DAAM1: variants seen among roughly 807,000 people sequenced by gnomAD.
The protein encoded by DAAM1 is dishevelled associated activator of morphogenesis 1, also known as disheveled-associated activator of morphogenesis 1.
Under a neutral mutation model 130.0 loss-of-function variants are expected in DAAM1, and 52 were observed. The ratio of observed to expected loss-of-function variants is 0.40; its 90% confidence interval spans 0.32 to 0.50. The LOEUF is 0.50. Among genes scored for constraint, DAAM1 ranks in the 20% least tolerant of loss-of-function variants. The pLI is 0.61. For missense variants in DAAM1, 1,134 were observed against 1,303.8 expected (o/e 0.87, Z 2.01); for synonymous variants, 452 against 444.5 (o/e 1.02, Z -0.21).
intron 1 of DAAM1, among the ~76,000 whole-genome samples, chr14:59,220,708 G>C (rs535651730): frequency 6.6e-6 from 1 of 152,120 alleles, no homozygotes; most frequent in Non-Finnish European, 1.5e-5. Flanking sequence ...GCTGGCAGAG[G>C]GGGATGGGGA....
chr14:59,327,008 T>A lies in DAAM1; in HGVS notation c.1372+17T>A. Reference sequence around the variant, plus strand: ...TGAGAAAAGGTAAATAATGAGGCCCTGATAAGAGGCTGTGTTATTGGTTAT... The same window carrying A: ...TGAGAAAAGGTAAATAATGAGGCCCAGATAAGAGGCTGTGTTATTGGTTAT... On this transcript the variant is annotated intron_variant, in intron 12 of 24. Coordinates refer to ENST00000360909, the MANE Select transcript of DAAM1 (RefSeq NM_001270520.2). The A allele has an allele frequency of 3.1e-6, 5 of 1,613,672 alleles. No individual in the cohort carries two copies. Among genetic ancestry groups the A allele is most frequent in the Non-Finnish European group, 4.2e-6 (5 of 1,179,708 alleles).
intron 2 of DAAM1, among the ~76,000 whole-genome samples, chr14:59,281,439 G>A (rs934623742): frequency 6.6e-6 from 1 of 152,000 alleles, no homozygotes. Context: ...CACTTGCCTT[G>A]TATCAGACCT....
At chr14:59,246,285 C>A (rs956110829) in intron 1 of DAAM1, among the ~76,000 whole-genome samples, 12 of 152,246 alleles carry the variant, frequency 7.9e-5, no homozygotes, top group African/African-American at 2.9e-4. Context: ...ACTTTAGATA[C>A]CTCATATAAA....
intron 1 of DAAM1, among the ~76,000 whole-genome samples, chr14:59,234,813 T>C (rs886354258): frequency 6.6e-6 from 1 of 152,196 alleles, no homozygotes; most frequent in African/African-American, 2.4e-5. Context: ...ATACCTAGTT[T>C]ATGAGAGTTT....
At chr14:59,209,959 A>G (rs1888377345) in intron 1 of DAAM1, among the ~76,000 whole-genome samples, 1 of 150,776 alleles carries the variant, frequency 6.6e-6, no homozygotes, top group Non-Finnish European at 1.5e-5. Context: ...CTCTACAAAA[A>G]TTAAAGAAAA....
At chr14:59,360,509 A>G in intron 21 of DAAM1, 1 of 229,386 alleles carries the variant, frequency 4.4e-6, no homozygotes, top group Non-Finnish European at 8.4e-6. Context: ...TGCTGAAGTG[A>G]GATTTTTTTG....
intron 20 of DAAM1, among the ~76,000 whole-genome samples, chr14:59,357,733 G>A (rs936317392): frequency 5.9e-5 from 9 of 151,948 alleles, no homozygotes; most frequent in South Asian, 4.2e-4. Flanking sequence ...AGCCCAGATC[G>A]CACCACTGTA....
Position 59,330,831 on chromosome 14 carries a change from T to A in DAAM1, c.1560+143T>A, listed in dbSNP as rs1885399659. ...CATCACAATTAGGAGACTCACTCCCTCTGCTATCATGTAGGCAGCAGAGGC... is the reference window on the plus strand; with the variant it reads ...CATCACAATTAGGAGACTCACTCCCACTGCTATCATGTAGGCAGCAGAGGC... On this transcript the variant is annotated intron_variant, in intron 13 of 24. Transcript: ENST00000360909. 3.6e-5 allele frequency: 31 copies of A among 873,154 alleles called. No individual in the cohort carries two copies. The South Asian group carries it at 6.6e-4, about 19-fold the overall frequency. The allele number at this position is 873,154 out of a possible 1,614,324, so 54.1% of individuals were successfully genotyped here.
intron 1 of DAAM1, among the ~76,000 whole-genome samples, chr14:59,263,031 C>T (rs1361011426): frequency 6.6e-6 from 1 of 152,114 alleles, no homozygotes; most frequent in African/African-American, 2.4e-5. Context: ...TTAAATCAGT[C>T]TGGAATCAGA....
intron 2 of DAAM1, among the ~76,000 whole-genome samples, chr14:59,271,092 G>A (rs1027742623): frequency 2.0e-5 from 3 of 152,258 alleles, no homozygotes; most frequent in Non-Finnish European, 2.9e-5. Flanking sequence ...AGCCTGAAAT[G>A]TTTCCAATTC....
chr14:59,343,336 C>A (rs1364069074), intron 16 of DAAM1, among the ~76,000 whole-genome samples: 1 of 152,208 alleles, frequency 6.6e-6, no homozygotes, highest in African/African-American at 2.4e-5. Flanking sequence ...CCAGGTGAGA[C>A]CTGATGACTA....
intron 23 of DAAM1, among the ~76,000 whole-genome samples, chr14:59,366,126 C>CTA: frequency 7.1e-6 from 1 of 141,228 alleles, no homozygotes; most frequent in South Asian, 2.1e-4. Context: ...TGGCATGTAC[C>CTA]TATAGTCCCA....
At chr14:59,366,848 T>A (rs550629017) in intron 23 of DAAM1, among the ~76,000 whole-genome samples, 13 of 151,994 alleles carry the variant, frequency 8.6e-5, no homozygotes, top group African/African-American at 3.1e-4. Context: ...TTTTTGGCTG[T>A]ATTTTGCTGT....
At chr14:59,328,716 A>C (rs1387565762) in intron 12 of DAAM1, among the ~76,000 whole-genome samples, 1 of 152,238 alleles carries the variant, frequency 6.6e-6, no homozygotes, top group East Asian at 1.9e-4. Context: ...AGTGTCTGGC[A>C]CATACTAGTT....
At chr14:59,367,960 A>C (rs1205001561) in intron 24 of DAAM1, among the ~76,000 whole-genome samples, 1 of 152,222 alleles carries the variant, frequency 6.6e-6, no homozygotes, top group Non-Finnish European at 1.5e-5. Context: ...TATAACAGCC[A>C]TATAATGGAA....
intron 1 of DAAM1, among the ~76,000 whole-genome samples, chr14:59,197,881 C>G (rs552702867): frequency 1.3e-5 from 2 of 152,266 alleles, no homozygotes; most frequent in African/African-American, 4.8e-5. Flanking sequence ...TACAGAAAAG[C>G]ATGTCTTCCC....
intron 2 of DAAM1, among the ~76,000 whole-genome samples, chr14:59,271,897 TA>T (rs1313786904): frequency 1.3e-5 from 2 of 152,156 alleles, no homozygotes; most frequent in Non-Finnish European, 2.9e-5. Flanking sequence ...CTACAGGAGC[TA>T]TTCAGTTGCC....
intron 1 of DAAM1, among the ~76,000 whole-genome samples, chr14:59,232,213 G>T (rs1405345022): frequency 6.6e-6 from 1 of 152,144 alleles, no homozygotes; most frequent in Non-Finnish European, 1.5e-5. Context: ...CATTTACCAT[G>T]AGGAGAGCTT....
chr14:59,216,910 C>A (rs1252987), intron 1 of DAAM1, among the ~76,000 whole-genome samples: 132,206 of 150,044 alleles, frequency 0.88, 58,506 homozygotes, highest in East Asian at 1. Flanking sequence ...ATGTGTATGT[C>A]TATATAGTTT....
Sources: gnomAD v4.1 joint callset for allele counts (sites outside exome capture counted in the v4.1 genomes callset) on GRCh38, gnomAD v4.1.1 for gene constraint, MANE v1.5 for transcripts, NCBI Gene and HGNC (gene_info 2026-07-23, HGNC 2026-07-21) for gene names.